Variants in ERC2 observed in about 807,000 individuals in gnomAD.
The protein encoded by ERC2 is ELKS/RAB6-interacting/CAST family member 2, also known as ERC protein 2.
In ERC2, 42 loss-of-function variants were observed where a neutral mutation model predicts 114.8. The observed-to-expected ratio is 0.37, with a 90% CI of 0.29 to 0.47. The LOEUF (loss-of-function observed/expected upper bound fraction) is 0.47. Among genes scored for constraint, ERC2 ranks in the 20% least tolerant of loss-of-function variants. The pLI is 0.99. For missense variants in ERC2, 939 were observed against 1,150.7 expected, an observed-to-expected ratio of 0.82 and a Z score of 2.66; for synonymous variants, 454 against 425.5, an observed-to-expected ratio of 1.07 and a Z score of -0.82.
intron 2 of ERC2, among the ~76,000 whole-genome samples, chr3:56,338,316 C>A (rs2057942722): frequency 2.0e-5 from 3 of 152,196 alleles, no homozygotes; most frequent in Admixed American, 2.0e-4. Context: ...AATAACAAAG[C>A]AACTCTTAAA....
intron 4 of ERC2, among the ~76,000 whole-genome samples, chr3:56,169,728 C>A (rs529451779): frequency 1.3e-5 from 2 of 151,314 alleles, no homozygotes; most frequent in African/African-American, 4.9e-5. Flanking sequence ...GATTTTCCTT[C>A]ACTTAAAATT....
rs558479516 is a variant in ERC2 at position 55,875,940 on chromosome 3, G to A, written c.2564+12449C>T. On this transcript the variant is annotated intron_variant, in intron 14 of 17. Coordinates refer to ENST00000288221, the MANE Select transcript of ERC2 (RefSeq NM_015576.3). ...GATGGGGAAAAGTTAAGAGAAGAAGGAAGAGAGGAAGGAAAAGAAGAAACA... is the reference window on the plus strand; with the variant it reads ...GATGGGGAAAAGTTAAGAGAAGAAGAAAGAGAGGAAGGAAAAGAAGAAACA... 3.3e-5 allele frequency among the ~76,000 whole-genome samples: 5 copies of A among 152,268 alleles called. No homozygotes were observed. The South Asian group carries it at 8.3e-4, about 25-fold the overall frequency.
At chr3:56,142,782 C>T (rs2080932923) in intron 5 of ERC2, among the ~76,000 whole-genome samples, 1 of 150,884 alleles carries the variant, frequency 6.6e-6, no homozygotes, top group African/African-American at 2.4e-5. Flanking sequence ...TTTATGGTGG[C>T]CTGTTTTCTT....
intron 17 of ERC2, among the ~76,000 whole-genome samples, chr3:55,586,433 C>T (rs73079428): frequency 0.18 from 27,863 of 152,200 alleles, 2,718 homozygotes; most frequent in Non-Finnish European, 0.23. Flanking sequence ...AAGCATCTTA[C>T]CGGATATTTC....
intron 6 of ERC2, among the ~76,000 whole-genome samples, chr3:56,102,497 T>C (rs2078416528): frequency 6.6e-6 from 1 of 152,142 alleles, no homozygotes; most frequent in Non-Finnish European, 1.5e-5. Flanking sequence ...GTTTCCAGCC[T>C]AGAAAAACTC....
At chr3:55,641,643 T>C (rs2060191882) in intron 17 of ERC2, among the ~76,000 whole-genome samples, 1 of 151,790 alleles carries the variant, frequency 6.6e-6, no homozygotes, top group Non-Finnish European at 1.5e-5. Context: ...TTGACTATTA[T>C]GTATCCTTTT....
chr3:56,169,846 A>G (rs1392149141), intron 4 of ERC2, among the ~76,000 whole-genome samples: 3 of 152,050 alleles, frequency 2.0e-5, no homozygotes, highest in Non-Finnish European at 4.4e-5. Context: ...TGAATGACCC[A>G]AGAAAGTAAA....
At chr3:55,986,508 T>C (rs1310621853) in intron 11 of ERC2, among the ~76,000 whole-genome samples, 1 of 152,146 alleles carries the variant, frequency 6.6e-6, no homozygotes, top group Admixed American at 6.5e-5. Context: ...AGCTGAGCAA[T>C]TTGGCTTTCG....
intron 4 of ERC2, among the ~76,000 whole-genome samples, chr3:56,167,044 G>T (rs1054885125): frequency 6.6e-6 from 1 of 151,914 alleles, no homozygotes; most frequent in South Asian, 2.1e-4. Flanking sequence ...TTCTAGACTC[G>T]TGGCTCTTAT....
intron 3 of ERC2, among the ~76,000 whole-genome samples, chr3:56,174,217 G>A (rs998596136): frequency 6.6e-6 from 1 of 152,072 alleles, no homozygotes; most frequent in Non-Finnish European, 1.5e-5. Context: ...ATTTCTTTAG[G>A]TAAAAAGCAA....
At chr3:55,782,323 C>T (rs1239404846) in intron 14 of ERC2, among the ~76,000 whole-genome samples, 2 of 152,130 alleles carry the variant, frequency 1.3e-5, no homozygotes, top group African/African-American at 4.8e-5. Flanking sequence ...ATCCCAAGTC[C>T]CCATACCCTC....
intron 7 of ERC2, among the ~76,000 whole-genome samples, chr3:56,073,029 CAGAA>C (rs1326905558): frequency 2.0e-5 from 3 of 152,130 alleles, no homozygotes; most frequent in South Asian, 4.1e-4. Flanking sequence ...AATTGTTAGA[CAGAA>C]AGAGTAACAG....
chr3:55,926,700 C>A (rs75275128), intron 13 of ERC2, among the ~76,000 whole-genome samples: 2 of 152,094 alleles, frequency 1.3e-5, no homozygotes, highest in Non-Finnish European at 2.9e-5. Flanking sequence ...GAGGTGAACT[C>A]GAGCATCATG....
At chr3:55,535,076 A>G (rs1038463060) in intron 17 of ERC2, among the ~76,000 whole-genome samples, 6 of 152,214 alleles carry the variant, frequency 3.9e-5, no homozygotes, top group Non-Finnish European at 8.8e-5. Flanking sequence ...GCCATGACTC[A>G]TCCCAGGTGT....
At chr3:56,040,948 G>A (rs367853191) in intron 7 of ERC2, among the ~76,000 whole-genome samples, 67 of 151,522 alleles carry the variant, frequency 4.4e-4, no homozygotes, top group African/African-American at 1.5e-3. Context: ...CCACTCTACC[G>A]TTGAGTCCTT....
chr3:55,940,097 A>G (rs1050572013), intron 13 of ERC2, among the ~76,000 whole-genome samples: 1 of 152,132 alleles, frequency 6.6e-6, no homozygotes, highest in African/African-American at 2.4e-5. Flanking sequence ...TAGATTCCCA[A>G]TGGGAGGACA....
chr3:55,616,793 G>A (rs907467315), intron 17 of ERC2, among the ~76,000 whole-genome samples: 5 of 152,034 alleles, frequency 3.3e-5, no homozygotes, highest in Admixed American at 3.3e-4. Context: ...TAGACACAGA[G>A]CCAGAAGTGG....
At position 55,834,649 on chromosome 3, in the gene ERC2, G is replaced by C. The variant is rs549463494; in HGVS notation, c.2564+53740C>G. On this transcript the variant is annotated intron_variant, in intron 14 of 17. Coordinates refer to ENST00000288221, the MANE Select transcript of ERC2 (RefSeq NM_015576.3). ...AATTTATAGCACTAAATGCCCACAA[G>C]AGAAAGCAGGAAAGATCCAAAATTG... Among the ~76,000 whole-genome samples the C allele has an allele frequency of 2.7e-5, 4 of 150,588 alleles. No individual in the cohort carries two copies. The East Asian group carries it at 7.8e-4, about 29-fold the overall frequency.
rs2066303270 is a variant in ERC2, at chr3:55,746,371, T to A, written c.2565-11453A>T. On this transcript the variant is annotated intron_variant, in intron 14 of 17. Coordinates refer to ENST00000288221, the MANE Select transcript of ERC2 (RefSeq NM_015576.3). ...GCCTCAGCCTCCCGAGTAGCTGAGA[T>A]TACAGGCATGCACCACCATGCCCAG... 2.6e-5 allele frequency among the ~76,000 whole-genome samples: 4 copies of A among 152,106 alleles called. No homozygotes were observed. In the South Asian group the frequency reaches 8.3e-4, roughly 32 times the overall value.
Sources: gnomAD v4.1 joint callset for allele counts (sites outside exome capture counted in the v4.1 genomes callset) on GRCh38, gnomAD v4.1.1 for gene constraint, MANE v1.5 for transcripts, NCBI Gene and HGNC (gene_info 2026-07-23, HGNC 2026-07-21) for gene names.